Variants in IL31RA observed in about 807,000 individuals in gnomAD.
The protein encoded by IL31RA is interleukin 31 receptor A, also known as interleukin-31 receptor subunit alpha.
Under a neutral mutation model 83.7 loss-of-function variants are expected in IL31RA, and 66 were observed. The ratio of observed to expected loss-of-function variants is 0.79; its 90% confidence interval spans 0.65 to 0.97. The LOEUF (loss-of-function observed/expected upper bound fraction) is 0.97. Among genes scored for constraint, IL31RA ranks in the 50% least tolerant of loss-of-function variants. The pLI is 0.00. For missense variants in IL31RA, 798 were observed against 919.4 expected (o/e 0.87, Z 1.71); for synonymous variants, 325 against 329.0 (o/e 0.99, Z 0.13).
At chr5:55,887,762 G>A (rs1238111994) in intron 5 of IL31RA, among the ~76,000 whole-genome samples, 1 of 152,086 alleles carries the variant, frequency 6.6e-6, no homozygotes, top group African/African-American at 2.4e-5. Flanking sequence ...GCAGGCACCT[G>A]TAGTCCCAGC....
rs759956809 is a variant in IL31RA, at chr5:55,906,275, G to T, written c.1239G>T (p.Trp413Cys). The change falls in exon 9 of 15, where the codon TGG (tryptophan) becomes TGT (cysteine). Residue 413 changes from tryptophan (W) to cysteine (C), a missense_variant. Trp to Cys is a radical substitution (Grantham distance 215, BLOSUM62 -2). Transcript: ENST00000652347. ...SWESVSQATN[W>C]TIQQDKLKPF... The stretch of plus-strand genomic sequence containing the variant: ...AATCTGTGTCTCAGGCCACGAACTG[G>T]ACGATCCAGCAAGGTAGCCAGGGCG... 6.2e-7 allele frequency: 1 copy of T among 1,613,954 alleles called. No individual in the cohort carries two copies. The highest frequency in any genetic ancestry group is 1.3e-5 in the African/African-American group (1 of 74,908).
At chr5:55,883,460 T>G (rs549820928) in intron 5 of IL31RA, among the ~76,000 whole-genome samples, 6 of 152,344 alleles carry the variant, frequency 3.9e-5, no homozygotes, top group African/African-American at 1.4e-4. Context: ...TATCCAAGTT[T>G]GTGTCTGGCT....
At chr5:55,905,923 GGTGTTGT>G (rs569933336) in intron 8 of IL31RA, among the ~76,000 whole-genome samples, 176 bp from the exon 9 acceptor site, 2 of 151,828 alleles carry the variant, frequency 1.3e-5, no homozygotes, top group African/African-American at 4.9e-5. Context: ...TACTCCTCAA[GGTGTTGT>G]GTAAGGAAAA....
intron 2 of IL31RA, 152 bp downstream of exon 2, chr5:55,859,751 TG>T: frequency 1.4e-6 from 1 of 705,720 alleles, no homozygotes; most frequent in Admixed American, 2.0e-5. Flanking sequence ...TGTGTCTGTG[TG>T]TGCACACATG....
intron 5 of IL31RA, among the ~76,000 whole-genome samples, chr5:55,884,090 G>A (rs1340564646): frequency 2.0e-5 from 3 of 152,070 alleles, no homozygotes; most frequent in African/African-American, 4.8e-5. Flanking sequence ...TTCTGGAAGC[G>A]CTGATTTAAG....
chr5:55,917,680 C>T lies in IL31RA; in HGVS notation c.*560C>T, dbSNP rs1749868225. 2.6e-5 allele frequency among the ~76,000 whole-genome samples: 4 copies of T among 152,202 alleles called. No homozygotes were observed. The highest frequency in any genetic ancestry group is 2.6e-4 in the Admixed American group (4 of 15,288). ...GACCTTCCTAAGGGGTTGTCTGAGG[C>T]TCCTCACATCCTCTTAGATCTCAAG... On this transcript the variant is annotated 3_prime_UTR_variant, in exon 15 of 15. Transcript: ENST00000652347.
At chr5:55,879,518 C>A (rs573879030) in intron 4 of IL31RA, among the ~76,000 whole-genome samples, 3 of 142,206 alleles carry the variant, frequency 2.1e-5, no homozygotes, top group African/African-American at 7.9e-5. Flanking sequence ...ATGCAACCTC[C>A]GCCTCCCAGG....
intron 7 of IL31RA, 82 bp downstream of exon 7, chr5:55,896,511 ATCCCTTCCATCCTCCT>A: frequency 1.7e-6 from 1 of 586,716 alleles, no homozygotes; most frequent in Non-Finnish European, 2.8e-6. Flanking sequence ...CCTCCCTTCC[ATCCCTTCCATCCTCCT>A]TCCCTTCCCT....
At position 55,917,313 on chromosome 5, in the gene IL31RA, G is replaced by A. The variant is rs1749848829; in HGVS notation, c.*193G>A. 2.4e-5 allele frequency: 35 copies of A among 1,467,472 alleles called. 1 individual carries two copies. In the South Asian group the frequency reaches 4.5e-4, roughly 19 times the overall value. The allele number at this position is 1,467,472 out of a possible 1,614,324, so 90.9% of individuals were successfully genotyped here. A position where few individuals can be genotyped will look rare whatever the true frequency, so the allele number is the denominator to read the frequency against. ...CCTTGTACTGGGAAGAAGGGATGGT[G>A]ATAAGCCCGAGTTTTGTAAAGGAAC... On this transcript the variant is annotated 3_prime_UTR_variant, in exon 15 of 15. Transcript: ENST00000652347.
chr5:55,892,561 G>A (rs1748067393), intron 6 of IL31RA, among the ~76,000 whole-genome samples: 1 of 152,218 alleles, frequency 6.6e-6, no homozygotes. Context: ...CACTGGAGAT[G>A]TTCATGCAGT....
At chr5:55,911,485 T>C (rs1749499331) in intron 12 of IL31RA, among the ~76,000 whole-genome samples, 1 of 152,026 alleles carries the variant, frequency 6.6e-6, no homozygotes, top group African/African-American at 2.4e-5. Flanking sequence ...ACCTCATCAT[T>C]TGTGGAGGTT....
intron 6 of IL31RA, among the ~76,000 whole-genome samples, chr5:55,893,225 A>G (rs1748123082): frequency 6.6e-6 from 1 of 152,230 alleles, no homozygotes; most frequent in African/African-American, 2.4e-5. Context: ...AACGCTTATG[A>G]TATTGAATAC....
At chr5:55,890,259 T>TG in intron 6 of IL31RA, 124 bp downstream of exon 6, 1 of 898,744 alleles carries the variant, frequency 1.1e-6, no homozygotes, top group Non-Finnish European at 1.8e-6. Context: ...AGGGGCCCCC[T>TG]GTACCATCGA....
chr5:55,908,983 A>G (rs1035444785), intron 11 of IL31RA: 6 of 758,946 alleles, frequency 7.9e-6, no homozygotes, highest in Non-Finnish European at 1.0e-5. Context: ...CATCACCACT[A>G]TTTCCAGAAC....
chr5:55,840,620 T>G, the IL31RA span, among the ~76,000 whole-genome samples: 1 of 152,218 alleles, frequency 6.6e-6, no homozygotes, highest in African/African-American at 2.4e-5. Context: ...GACCTGCTGT[T>G]CTTGGAATAG....
chr5:55,895,886 A>T (rs1180267912), intron 6 of IL31RA, among the ~76,000 whole-genome samples: 2 of 152,120 alleles, frequency 1.3e-5, no homozygotes, highest in Non-Finnish European at 2.9e-5. Flanking sequence ...TTCCTTTGTC[A>T]TTTAATTTTT....
intron 12 of IL31RA, 30 bp from the exon 13 acceptor site, chr5:55,913,447 C>A: frequency 7.0e-7 from 1 of 1,428,906 alleles, no homozygotes; most frequent in Non-Finnish European, 9.9e-7. Flanking sequence ...GAGGAACTCA[C>A]TACTGACTTT....
At chr5:55,847,288 A>T (rs550978074), upstream of IL31RA, among the ~76,000 whole-genome samples, 640 of 149,176 alleles carry the variant, frequency 4.3e-3, 1 homozygote, top group Non-Finnish European at 6.7e-3. Flanking sequence ...AATAAATAAA[A>T]AGAAAAGAAA....
intron 11 of IL31RA, 180 bp downstream of exon 11, chr5:55,908,591 G>A (rs1749309869): frequency 6.4e-7 from 1 of 1,551,860 alleles, no homozygotes; most frequent in Non-Finnish European, 8.7e-7. Context: ...GGGGTTTTGG[G>A]GGTTAAATGA....
Sources: gnomAD v4.1 joint callset for allele counts (sites outside exome capture counted in the v4.1 genomes callset) on GRCh38, gnomAD v4.1.1 for gene constraint, MANE v1.5 for transcripts, NCBI Gene and HGNC (gene_info 2026-07-23, HGNC 2026-07-21) for gene names.